RBFOX1: variants seen among roughly 807,000 people sequenced by gnomAD.
RBFOX1 encodes the protein RNA binding protein fox-1 homolog 1.
In RBFOX1, 8 loss-of-function variants were observed where a neutral mutation model predicts 57.7. The observed-to-expected ratio is 0.14, with a 90% CI of 0.08 to 0.25. RBFOX1 has a LOEUF of 0.25. RBFOX1 is among the 10% of genes least tolerant of loss of function. The pLI is 1.00. For synonymous variants in RBFOX1, 326 were observed against 222.4 expected (o/e 1.47, Z -4.15); for missense variants, 611 against 548.5 (o/e 1.11, Z -1.14).
chr16:6,654,324 G>T (rs17140842), intron 2 of RBFOX1, among the ~76,000 whole-genome samples: 1 of 152,156 alleles, frequency 6.6e-6, no homozygotes, highest in Non-Finnish European at 1.5e-5. Flanking sequence ...TGAGCTATCA[G>T]TTCCTCTTTG....
At chr16:5,444,313 G>A (rs576906511) in intron 1 of RBFOX1, among the ~76,000 whole-genome samples, 2 of 152,282 alleles carry the variant, frequency 1.3e-5, no homozygotes, top group South Asian at 4.2e-4. Flanking sequence ...ATTCAAATCT[G>A]ATCACTCAGA....
chr16:5,636,072 G>C (rs1395624131), intron 3 of RBFOX1, among the ~76,000 whole-genome samples: 3 of 152,164 alleles, frequency 2.0e-5, no homozygotes, highest in Non-Finnish European at 4.4e-5. Flanking sequence ...AAAAAGGCTG[G>C]CATGGTGGCT....
intron 3 of RBFOX1, among the ~76,000 whole-genome samples, chr16:5,657,080 C>T (rs975414147): frequency 1.3e-5 from 2 of 152,072 alleles, no homozygotes; most frequent in African/African-American, 4.8e-5. Flanking sequence ...GCACATGTAT[C>T]CCAGAACTTA....
At chr16:6,525,652 C>A (rs566622597) in intron 2 of RBFOX1, among the ~76,000 whole-genome samples, 1 of 151,932 alleles carries the variant, frequency 6.6e-6, no homozygotes, top group Non-Finnish European at 1.5e-5. Context: ...GAGAGAACCC[C>A]GTCTCTACTT....
At chr16:5,461,450 G>C (rs1398454499) in intron 1 of RBFOX1, among the ~76,000 whole-genome samples, 1 of 152,154 alleles carries the variant, frequency 6.6e-6, no homozygotes, top group African/African-American at 2.4e-5. Context: ...TAATTATTGT[G>C]CTGGGCACTG....
intron 1 of RBFOX1, among the ~76,000 whole-genome samples, chr16:6,160,836 C>G (rs2152744155): frequency 6.6e-6 from 1 of 152,300 alleles, no homozygotes; most frequent in African/African-American, 2.4e-5. Flanking sequence ...GCTCTGTTGT[C>G]CCATGAATGC....
chr16:6,420,007 A>T (rs1430170679), intron 2 of RBFOX1, among the ~76,000 whole-genome samples: 1 of 152,142 alleles, frequency 6.6e-6, no homozygotes, highest in Non-Finnish European at 1.5e-5. Flanking sequence ...AGCTGTTAAA[A>T]ATCTTAATGG....
chr16:6,973,953 G>T lies in RBFOX1; in HGVS notation c.-15-78104G>T, dbSNP rs57846728. 5.8e-3 allele frequency among the ~76,000 whole-genome samples: 888 copies of T among 152,156 alleles called. 3 individuals are homozygous for T. Among genetic ancestry groups the T allele is most frequent in the African/African-American group, 0.02 (821 of 41,516 alleles). On this transcript the variant is annotated intron_variant, in intron 3 of 15. Transcript: ENST00000550418. ...CCCCTCCATCTCCCAGCAGACCCCA[G>T]TGTGTGGTGTTCCCCTCCCTGTGTC...
At chr16:6,834,734 C>T (rs1430532301) in intron 3 of RBFOX1, among the ~76,000 whole-genome samples, 1 of 152,046 alleles carries the variant, frequency 6.6e-6, no homozygotes, top group Non-Finnish European at 1.5e-5. Flanking sequence ...CCTCTCTGAC[C>T]TGCGACTGCT....
At chr16:7,186,064 C>G (rs2083679156) in intron 4 of RBFOX1, among the ~76,000 whole-genome samples, 2 of 152,016 alleles carry the variant, frequency 1.3e-5, no homozygotes, top group African/African-American at 2.4e-5. Flanking sequence ...ATGAATGCTA[C>G]TATTTTGAAG....
intron 3 of RBFOX1, among the ~76,000 whole-genome samples, chr16:6,848,928 G>T (rs1233475391): frequency 6.6e-6 from 1 of 152,114 alleles, no homozygotes; most frequent in Non-Finnish European, 1.5e-5. Context: ...ACCAGAGAAT[G>T]TCTCACCCTG....
intron 4 of RBFOX1, among the ~76,000 whole-genome samples, chr16:7,372,169 T>A (rs2097578268): frequency 6.6e-6 from 1 of 152,162 alleles, no homozygotes; most frequent in Non-Finnish European, 1.5e-5. Flanking sequence ...TCCTACTATA[T>A]ATAATGCTAT....
intron 4 of RBFOX1, among the ~76,000 whole-genome samples, chr16:7,380,527 A>C (rs2097767319): frequency 6.6e-6 from 1 of 152,236 alleles, no homozygotes; most frequent in South Asian, 2.1e-4. Flanking sequence ...AGTGTACTGT[A>C]ATTTAAACAA....
chr16:6,643,852 A>G (rs62017861), intron 2 of RBFOX1, among the ~76,000 whole-genome samples: 103,434 of 152,026 alleles, frequency 0.68, 35,326 homozygotes, highest in South Asian at 0.82. Flanking sequence ...AAGGCTGAGC[A>G]CGCTGGGTCA....
chr16:6,258,261 C>T (rs2097680817), intron 1 of RBFOX1, among the ~76,000 whole-genome samples: 1 of 152,160 alleles, frequency 6.6e-6, no homozygotes, highest in South Asian at 2.1e-4. Context: ...GTACATATTG[C>T]ATAATCAACC....
intron 4 of RBFOX1, among the ~76,000 whole-genome samples, chr16:7,252,495 T>C (rs1001606009): frequency 3.3e-5 from 5 of 152,320 alleles, no homozygotes; most frequent in African/African-American, 1.2e-4. Context: ...TCTGGAAATT[T>C]TGCACAGATC....
At chr16:5,830,735 A>G (rs898007342) in intron 3 of RBFOX1, among the ~76,000 whole-genome samples, 4 of 152,166 alleles carry the variant, frequency 2.6e-5, no homozygotes, top group East Asian at 1.9e-4. Context: ...CTTTGCCACC[A>G]TTGCAGTGTG....
rs554782595 is a variant in RBFOX1, at chr16:7,211,978, A to C, written c.27+159880A>C. ...TACTCCCTCCTACCCACCCCTTCTC[A>C]CTCCCATCAAGCCACCCCAAATAAC... is the stretch of plus-strand genomic sequence containing the variant. On this transcript the variant is annotated intron_variant, in intron 4 of 15. Transcript: ENST00000550418. Among the ~76,000 whole-genome samples the C allele has an allele frequency of 2.1e-3, 315 of 151,714 alleles. 1 individual carries two copies. The highest frequency in any genetic ancestry group is 5.2e-3 in the Admixed American group (79 of 15,228).
rs552733103 is a variant in RBFOX1 at position 6,286,352 on chromosome 16, A to T, written c.-126-30643A>T. On this transcript the variant is annotated intron_variant, in intron 1 of 15. Coordinates refer to ENST00000550418, the MANE Select transcript of RBFOX1 (RefSeq NM_018723.4). ...GGGAAGAGTTCAGAAATCTTGACTC[A>T]GATGTGTGAGAACTTTTAAAATCAC... 2.8e-5 allele frequency among the ~76,000 whole-genome samples: 4 copies of T among 144,784 alleles called. No individual in the cohort carries two copies. The East Asian group carries it at 7.9e-4, about 29-fold the overall frequency. The allele number at this position is 144,784 out of a possible 152,430, so 95.0% of individuals were successfully genotyped here. A position where few individuals can be genotyped will look rare whatever the true frequency, so the allele number is the denominator to read the frequency against.
Sources: gnomAD v4.1 joint callset for allele counts (sites outside exome capture counted in the v4.1 genomes callset) on GRCh38, gnomAD v4.1.1 for gene constraint, MANE v1.5 for transcripts, NCBI Gene and HGNC (gene_info 2026-07-23, HGNC 2026-07-21) for gene names.